The following LRRTM4 variants were observed in gnomAD, a reference collection of about 807,000 sequenced individuals.
LRRTM4 encodes the protein leucine rich repeat transmembrane neuronal 4, also known as leucine-rich repeat transmembrane neuronal protein 4.
A neutral mutation model predicts 47.6 loss-of-function variants in LRRTM4; 25 were observed. The ratio of observed to expected loss-of-function variants is 0.53; its 90% CI spans 0.38 to 0.73. The LOEUF (loss-of-function observed/expected upper bound fraction) is 0.73, where lower values mean the gene tolerates loss of function less well. Ranked by LOEUF, LRRTM4 falls within the 30% of genes least tolerant of loss-of-function variation. The probability of loss-of-function intolerance (pLI) is 0.00; values close to 1 mark genes in which losing one functional copy is unlikely to be tolerated. For missense variants in LRRTM4, 638 were observed against 713.4 expected (o/e 0.89, Z 1.20); for synonymous variants, 311 against 269.5 (o/e 1.15, Z -1.51).
Position 76,993,472 on chromosome 2 carries a change from A to G in LRRTM4, c.1552-244556T>C, listed in dbSNP as rs114742114. Reference sequence around the variant, plus strand: ...AAAATGAACAGACACTTCTCAAAAGAAAACATACATTTGGCTTACAAACAT... The same window carrying G: ...AAAATGAACAGACACTTCTCAAAAGGAAACATACATTTGGCTTACAAACAT... On this transcript the variant is annotated intron_variant, in intron 3 of 3. Coordinates refer to ENST00000409884, the MANE Select transcript of LRRTM4 (RefSeq NM_001134745.3). 4.9e-3 allele frequency among the ~76,000 whole-genome samples: 743 copies of G among 152,116 alleles called. 9 individuals are homozygous for G. The highest frequency in any genetic ancestry group is 0.017 in the African/African-American group (694 of 41,556).
chr2:77,218,162 T>A (rs1202705662), intron 3 of LRRTM4, among the ~76,000 whole-genome samples: 1 of 152,102 alleles, frequency 6.6e-6, no homozygotes, highest in Non-Finnish European at 1.5e-5. Flanking sequence ...GCCTGACTAA[T>A]TTTGTATTTT....
At chr2:76,918,707 T>G (rs576124900) in intron 3 of LRRTM4, among the ~76,000 whole-genome samples, 3 of 152,242 alleles carry the variant, frequency 2.0e-5, no homozygotes, top group Admixed American at 6.5e-5. Flanking sequence ...CTACCTCACA[T>G]GACAGAAGCT....
At chr2:76,789,358 C>G (rs1232796198) in intron 3 of LRRTM4, among the ~76,000 whole-genome samples, 1 of 152,200 alleles carries the variant, frequency 6.6e-6, no homozygotes, top group Non-Finnish European at 1.5e-5. Context: ...CCCTCGCAGC[C>G]TCTTGACCTC....
intron 3 of LRRTM4, among the ~76,000 whole-genome samples, chr2:77,043,703 G>A (rs1247573255): frequency 6.6e-6 from 1 of 151,726 alleles, no homozygotes; most frequent in Non-Finnish European, 1.5e-5. Flanking sequence ...CTTTATGAAG[G>A]ATGATGAATC....
At chr2:77,063,094 A>AC (rs1384333827) in intron 3 of LRRTM4, among the ~76,000 whole-genome samples, 1 of 151,514 alleles carries the variant, frequency 6.6e-6, no homozygotes, top group Admixed American at 6.6e-5. Context: ...AGCTGGGACT[A>AC]CAGGCACATG....
At chr2:76,870,380 T>C (rs536684337) in intron 3 of LRRTM4, among the ~76,000 whole-genome samples, 3 of 152,248 alleles carry the variant, frequency 2.0e-5, no homozygotes, top group East Asian at 1.9e-4. Flanking sequence ...AATAATTATG[T>C]GGGCATAGTC....
chr2:76,950,477 T>G (rs1424590303), intron 3 of LRRTM4, among the ~76,000 whole-genome samples: 1 of 151,926 alleles, frequency 6.6e-6, no homozygotes, highest in Non-Finnish European at 1.5e-5. Flanking sequence ...TTAAGAAAAT[T>G]TTATTAACCT....
intron 3 of LRRTM4, among the ~76,000 whole-genome samples, chr2:77,133,067 A>G (rs1418133214): frequency 1.3e-5 from 2 of 152,164 alleles, no homozygotes; most frequent in Admixed American, 1.3e-4. Flanking sequence ...CCAGTCCTGG[A>G]GTGAATGTGG....
chr2:76,945,731 C>T (rs1573351905), intron 3 of LRRTM4, among the ~76,000 whole-genome samples: 1 of 148,918 alleles, frequency 6.7e-6, no homozygotes, highest in Admixed American at 6.7e-5. Context: ...ATATGTCAAG[C>T]ATTCAGATTT....
chr2:77,072,349 A>T (rs1680183122), intron 3 of LRRTM4, among the ~76,000 whole-genome samples: 1 of 152,216 alleles, frequency 6.6e-6, no homozygotes, highest in Non-Finnish European at 1.5e-5. Flanking sequence ...AAACTTATAC[A>T]TTTAACATGT....
chr2:76,879,175 CATT>C (rs2104097760), intron 3 of LRRTM4, among the ~76,000 whole-genome samples: 1 of 152,296 alleles, frequency 6.6e-6, no homozygotes, highest in African/African-American at 2.4e-5. Context: ...AACTGGCTAA[CATT>C]AAACAGTAGG....
At chr2:76,863,909 A>G (rs1393551790) in intron 3 of LRRTM4, among the ~76,000 whole-genome samples, 1 of 152,206 alleles carries the variant, frequency 6.6e-6, no homozygotes, top group Non-Finnish European at 1.5e-5. Context: ...ATCTCATTTA[A>G]TAAGAATAAA....
At chr2:77,453,504 G>T (rs771824256) in intron 3 of LRRTM4, among the ~76,000 whole-genome samples, 1 of 151,984 alleles carries the variant, frequency 6.6e-6, no homozygotes, top group Admixed American at 6.6e-5. Flanking sequence ...TATTTTATTT[G>T]CAATGTTGAT....
At chr2:77,399,286 T>G (rs1673841859) in intron 3 of LRRTM4, among the ~76,000 whole-genome samples, 1 of 151,764 alleles carries the variant, frequency 6.6e-6, no homozygotes, top group African/African-American at 2.4e-5. Context: ...TTAGAATGGC[T>G]AAATTGAGCT....
chr2:77,385,080 G>T (rs1162479692), intron 3 of LRRTM4, among the ~76,000 whole-genome samples: 1 of 151,920 alleles, frequency 6.6e-6, no homozygotes, highest in Non-Finnish European at 1.5e-5. Flanking sequence ...CTGTTAGAAA[G>T]GTAAATAATA....
chr2:77,040,620 G>A (rs2104173825), intron 3 of LRRTM4, among the ~76,000 whole-genome samples: 1 of 151,416 alleles, frequency 6.6e-6, no homozygotes, highest in Middle Eastern at 3.4e-3. Context: ...CTCAAACACA[G>A]AGCCATATAC....
At chr2:77,456,507 G>A (rs777507675) in intron 3 of LRRTM4, among the ~76,000 whole-genome samples, 5 of 151,974 alleles carry the variant, frequency 3.3e-5, no homozygotes, top group Non-Finnish European at 5.9e-5. Context: ...TCACTCTTGA[G>A]TTTATCCTTA....
chr2:76,775,747 CT>C (rs1221058904), intron 3 of LRRTM4, among the ~76,000 whole-genome samples: 1 of 151,084 alleles, frequency 6.6e-6, no homozygotes, highest in Admixed American at 6.6e-5. Context: ...ATTTCTCTCT[CT>C]TTTTTTTAAA....
intron 3 of LRRTM4, among the ~76,000 whole-genome samples, chr2:77,391,871 A>G (rs1216216604): frequency 2.6e-5 from 4 of 152,018 alleles, no homozygotes; most frequent in Admixed American, 6.6e-5. Context: ...GACTGACAGA[A>G]CAGACTGTAG....
Sources: allele counts gnomAD v4.1 joint callset (sites outside exome capture counted in the v4.1 genomes callset), GRCh38; gene constraint gnomAD v4.1.1; transcripts MANE v1.5; gene names NCBI Gene and HGNC (gene_info 2026-07-23, HGNC 2026-07-21).